Variants in ADIPOR2 observed in about 807,000 individuals in gnomAD.
The protein encoded by ADIPOR2 is adiponectin receptor protein 2.
In ADIPOR2, 18 loss-of-function variants were observed where a neutral mutation model predicts 40.9. The ratio of observed to expected loss-of-function variants is 0.44; its 90% CI spans 0.30 to 0.65. The LOEUF (loss-of-function observed/expected upper bound fraction) is 0.65, where lower values mean the gene tolerates loss of function less well. Ranked by LOEUF, ADIPOR2 falls within the 30% of genes least tolerant of loss-of-function variation. The pLI is 0.09. For synonymous variants in ADIPOR2, 165 were observed against 166.4 expected, an observed-to-expected ratio of 0.99 and a Z score of 0.06; for missense variants, 283 against 479.2, an observed-to-expected ratio of 0.59 and a Z score of 3.82.
At chr12:1,757,598 C>T (rs1862165625) in intron 2 of ADIPOR2, 1 of 1,203,800 alleles carries the variant, frequency 8.3e-7, no homozygotes, top group Non-Finnish European at 1.2e-6. Context: ...TGCCGGGCAT[C>T]ATGAGTCACC....
chr12:1,747,037 C>CT (rs2094756640), intron 1 of ADIPOR2, among the ~76,000 whole-genome samples: 1 of 148,978 alleles, frequency 6.7e-6, no homozygotes, highest in African/African-American at 2.5e-5. Flanking sequence ...CTTGTCTCCC[C>CT]CACTAACTCC....
intron 2 of ADIPOR2, among the ~76,000 whole-genome samples, chr12:1,758,531 T>G (rs1035636542): frequency 6.6e-6 from 1 of 152,220 alleles, no homozygotes; most frequent in African/African-American, 2.4e-5. Flanking sequence ...TGAAGTTGTT[T>G]GCTGAAAAAG....
At position 1,695,011 on chromosome 12, in the gene ADIPOR2, G is replaced by GTT. The variant is rs199627849; in HGVS notation, c.-87+3835_-87+3836dup. On this transcript the variant is annotated intron_variant, in intron 1 of 7. Transcript: ENST00000357103. The stretch of plus-strand genomic sequence containing the variant: ...CATAGGGCTTATTCTTTGTGTTGCA[G>GTT]TTTTTTTTTTTTTTTTGTTTTGTTT... 6.1e-3 allele frequency among the ~76,000 whole-genome samples: 783 copies of GTT among 128,216 alleles called. 7 individuals carry two copies. The highest frequency in any genetic ancestry group is 9.1e-3 in the African/African-American group (331 of 36,440). 84.1% of individuals were successfully genotyped at this position (128,216 alleles called of 152,430 possible).
At chr12:1,699,811 G>A (rs2094646678) in intron 1 of ADIPOR2, among the ~76,000 whole-genome samples, 1 of 152,200 alleles carries the variant, frequency 6.6e-6, no homozygotes, top group Non-Finnish European at 1.5e-5. Flanking sequence ...TTAGAAATTG[G>A]AAGTTGAGGA....
At chr12:1,697,699 C>G (rs1231615194) in intron 1 of ADIPOR2, 3 of 152,638 alleles carry the variant, frequency 2.0e-5, no homozygotes, top group African/African-American at 7.2e-5. Context: ...CTCTAGCAAA[C>G]TTGATGGATG....
At chr12:1,725,573 A>G (rs1181949100) in intron 1 of ADIPOR2, among the ~76,000 whole-genome samples, 1 of 152,256 alleles carries the variant, frequency 6.6e-6, no homozygotes, top group Non-Finnish European at 1.5e-5. Context: ...GCTAAAGGAA[A>G]CTATAAAGTC....
At chr12:1,780,133 T>C in intron 4 of ADIPOR2, 2 of 208,702 alleles carry the variant, frequency 9.6e-6, no homozygotes, top group Non-Finnish European at 1.9e-5. Flanking sequence ...ATGAAACTAT[T>C]CTACATCTAG....
At position 1,780,598 on chromosome 12, in the gene ADIPOR2, T is replaced by G; in HGVS notation, c.611T>G (p.Val204Gly). The G allele has an allele frequency of 6.2e-7, 1 of 1,609,454 alleles. No individual in the cohort carries two copies. Among genetic ancestry groups the G allele is most frequent in the African/African-American group, 1.3e-5 (1 of 74,646 alleles). Reference protein sequence around the residue: ...CLSFSWLFHTVYCHSEGVSRL... With the variant: ...CLSFSWLFHTGYCHSEGVSRL... ...TCTTTTTCATGGCTCTTCCACACAG[T>G]CTACTGCCACTCAGAGGGGGTCTCT... is the stretch of plus-strand genomic sequence containing the variant. Residue 204 changes from valine (V) to glycine (G), a missense_variant, in exon 5 of 8, where the codon GTC becomes GGC. Physicochemically the swap from Val to Gly is moderately radical, Grantham distance 109. This residue lies in a region of ADIPOR2 where 112 missense variants were observed against 249.5 expected (regional missense o/e 0.45). Transcript: ENST00000357103.
intron 1 of ADIPOR2, among the ~76,000 whole-genome samples, chr12:1,720,755 T>G (rs888205143): frequency 7.9e-5 from 12 of 152,334 alleles, no homozygotes; most frequent in Admixed American, 7.8e-4. Flanking sequence ...GCTTGTAGCC[T>G]AGGGGTTGGG....
intron 1 of ADIPOR2, among the ~76,000 whole-genome samples, chr12:1,700,949 A>G (rs905086420): frequency 1.3e-5 from 2 of 152,120 alleles, no homozygotes; most frequent in Non-Finnish European, 2.9e-5. Flanking sequence ...ACATGAGACT[A>G]CAGAGACCAA....
intron 1 of ADIPOR2, among the ~76,000 whole-genome samples, chr12:1,714,106 A>G (rs778850782): frequency 6.6e-6 from 1 of 152,040 alleles, no homozygotes; most frequent in Non-Finnish European, 1.5e-5. Context: ...CATAGTGGAC[A>G]TGGGCGAGGG....
At chr12:1,771,667 T>A (rs954245391) in intron 2 of ADIPOR2, among the ~76,000 whole-genome samples, 3 of 152,204 alleles carry the variant, frequency 2.0e-5, no homozygotes, top group Admixed American at 6.5e-5. Flanking sequence ...AACTGAAGAA[T>A]AGGAAAATTA....
chr12:1,753,919 C>T (rs1255778499), intron 1 of ADIPOR2, among the ~76,000 whole-genome samples: 5 of 152,108 alleles, frequency 3.3e-5, no homozygotes, highest in East Asian at 1.9e-4. Flanking sequence ...AAGTATTCTT[C>T]TCACTTCAGA....
chr12:1,716,549 A>G (rs950490365), intron 1 of ADIPOR2, among the ~76,000 whole-genome samples: 10 of 152,262 alleles, frequency 6.6e-5, no homozygotes, highest in Non-Finnish European at 1.3e-4. Flanking sequence ...TTACAACTAT[A>G]TTAAAACTGC....
intron 1 of ADIPOR2, among the ~76,000 whole-genome samples, chr12:1,692,068 T>A (rs1331887890): frequency 7.0e-6 from 1 of 142,076 alleles, no homozygotes; most frequent in Non-Finnish European, 1.5e-5. Context: ...TGTCCCCCAT[T>A]TCTGTTCCAA....
intron 1 of ADIPOR2, among the ~76,000 whole-genome samples, chr12:1,718,481 A>G (rs1241062004): frequency 3.3e-5 from 5 of 152,210 alleles, no homozygotes; most frequent in South Asian, 2.1e-4. Context: ...GAGGACTTCA[A>G]AAAATTTTTG....
intron 1 of ADIPOR2, among the ~76,000 whole-genome samples, chr12:1,744,042 G>A (rs555164183): frequency 6.6e-6 from 1 of 152,038 alleles, no homozygotes. Flanking sequence ...TCTGAATGCA[G>A]AAAGGAATGT....
At chr12:1,757,132 T>C in intron 2 of ADIPOR2, 1 of 260,962 alleles carries the variant, frequency 3.8e-6, no homozygotes, top group Non-Finnish European at 7.2e-6. Flanking sequence ...AATTTCAGGC[T>C]AGCCAATTTG....
chr12:1,772,777 A>G lies in ADIPOR2; in HGVS notation c.172-65A>G, dbSNP rs1862513832. ...ATTTCATTATAATTCCACAAGGGAA[A>G]TGTATTGATTGTGTCATTTGGCTCC... On this transcript the variant is annotated intron_variant, in intron 2 of 7. Transcript: ENST00000357103. 1.9e-5 allele frequency: 29 copies of G among 1,517,042 alleles called. 1 individual carries two copies. The South Asian group carries it at 3.6e-4, about 19-fold the overall frequency. The allele number at this position is 1,517,042 out of a possible 1,614,324, so 94.0% of individuals were successfully genotyped here.
Sources: gnomAD v4.1 joint callset for allele counts (sites outside exome capture counted in the v4.1 genomes callset) on GRCh38, gnomAD v4.1.1 for gene constraint, gnomAD v4.1.1 regional missense constraint, MANE v1.5 for transcripts, NCBI Gene and HGNC (gene_info 2026-07-23, HGNC 2026-07-21) for gene names.